The following STXBP5L variants were observed in gnomAD, a reference collection of about 807,000 sequenced individuals.
STXBP5L encodes the protein syntaxin binding protein 5L, also known as syntaxin-binding protein 5-like.
In STXBP5L, 65 loss-of-function variants were observed where a neutral mutation model predicts 144.5. The ratio of observed to expected loss-of-function variants is 0.45; its 90% confidence interval spans 0.37 to 0.55. The LOEUF is 0.55. STXBP5L is among the 20% of genes least tolerant of loss of function. The pLI, the probability that STXBP5L is intolerant of heterozygous loss-of-function variation, is 0.00. For synonymous variants in STXBP5L, 505 were observed against 469.6 expected (o/e 1.08, Z -0.97); for missense variants, 1,298 against 1,405.5 (o/e 0.92, Z 1.22).
At chr3:121,102,063 T>A (rs1374404622) in intron 5 of STXBP5L, among the ~76,000 whole-genome samples, 1 of 151,720 alleles carries the variant, frequency 6.6e-6, no homozygotes, top group Admixed American at 6.6e-5. Flanking sequence ...AAATCATAGG[T>A]GACACAAAAA....
At chr3:121,252,878 T>G (rs1450193577) in intron 15 of STXBP5L, among the ~76,000 whole-genome samples, 1 of 152,220 alleles carries the variant, frequency 6.6e-6, no homozygotes, top group Non-Finnish European at 1.5e-5. Context: ...CTGAAGGTTC[T>G]CTTCCAAGCT....
At chr3:121,081,507 A>T (rs2042246406) in intron 5 of STXBP5L, among the ~76,000 whole-genome samples, 1 of 152,108 alleles carries the variant, frequency 6.6e-6, no homozygotes, top group Non-Finnish European at 1.5e-5. Flanking sequence ...GTTTTCCCAG[A>T]TGCTGGTTGT....
intron 23 of STXBP5L, 33 bp from the exon 24 acceptor site, chr3:121,413,125 A>T: frequency 2.7e-6 from 4 of 1,504,238 alleles, no homozygotes; most frequent in Non-Finnish European, 3.6e-6. Flanking sequence ...AACAACCTGC[A>T]TATGATATAT....
chr3:121,177,170 A>G (rs1330465910), intron 9 of STXBP5L, among the ~76,000 whole-genome samples: 1 of 152,034 alleles, frequency 6.6e-6, no homozygotes, highest in Non-Finnish European at 1.5e-5. Context: ...ATAACAACGA[A>G]CAAAACAAAG....
intron 5 of STXBP5L, among the ~76,000 whole-genome samples, chr3:121,058,149 C>A (rs1285605939): frequency 6.6e-6 from 1 of 152,026 alleles, no homozygotes; most frequent in Non-Finnish European, 1.5e-5. Flanking sequence ...CCAACAGGAC[C>A]AGTGTGTGAT....
At chr3:121,363,274 C>A (rs2045767903) in intron 20 of STXBP5L, among the ~76,000 whole-genome samples, 1 of 152,176 alleles carries the variant, frequency 6.6e-6, no homozygotes. Context: ...GCCCCCGACT[C>A]TGCCCCACCC....
intron 9 of STXBP5L, among the ~76,000 whole-genome samples, chr3:121,194,369 T>A (rs1376205042): frequency 6.6e-6 from 1 of 152,194 alleles, no homozygotes; most frequent in East Asian, 1.9e-4. Context: ...TTTATTCCTA[T>A]TTATTGGTGA....
intron 22 of STXBP5L, among the ~76,000 whole-genome samples, chr3:121,398,424 G>A (rs527703494): frequency 5.6e-4 from 86 of 152,350 alleles, no homozygotes; most frequent in Middle Eastern, 3.4e-3. Context: ...GCCTGAGCTG[G>A]AAATGCCCCA....
intron 22 of STXBP5L, among the ~76,000 whole-genome samples, chr3:121,385,690 G>A (rs1214433734): frequency 6.6e-6 from 1 of 151,906 alleles, no homozygotes; most frequent in Admixed American, 6.6e-5. Flanking sequence ...TTTACTCACT[G>A]CCTTCATACT....
chr3:121,373,399 G>A (rs1042238198), intron 20 of STXBP5L, among the ~76,000 whole-genome samples: 10 of 152,160 alleles, frequency 6.6e-5, no homozygotes, highest in Admixed American at 6.5e-4. Flanking sequence ...ATTGTTTCAG[G>A]GAGGGAATTC....
chr3:120,969,766 G>T (rs1940028354), intron 3 of STXBP5L, among the ~76,000 whole-genome samples: 1 of 151,810 alleles, frequency 6.6e-6, no homozygotes, highest in Admixed American at 6.6e-5. Context: ...CATGTGGCTT[G>T]CACTCTTTTA....
intron 3 of STXBP5L, among the ~76,000 whole-genome samples, chr3:120,966,678 A>G (rs1222769591): frequency 1.3e-5 from 2 of 152,214 alleles, no homozygotes; most frequent in South Asian, 2.1e-4. Flanking sequence ...TGGAAGCTTC[A>G]TCCCAGAGTG....
intron 22 of STXBP5L, among the ~76,000 whole-genome samples, chr3:121,392,868 T>C (rs1394023626): frequency 1.3e-5 from 2 of 150,160 alleles, no homozygotes; most frequent in Non-Finnish European, 3.0e-5. Context: ...GACTTTGCTA[T>C]TGTAAGTAGT....
At chr3:120,942,481 T>C (rs1710617283) in intron 2 of STXBP5L, among the ~76,000 whole-genome samples, 1 of 151,542 alleles carries the variant, frequency 6.6e-6, no homozygotes, top group Admixed American at 6.6e-5. Flanking sequence ...TAATAGAAAA[T>C]ATATTATTCA....
intron 2 of STXBP5L, among the ~76,000 whole-genome samples, chr3:120,915,150 T>A (rs1709045229): frequency 6.6e-6 from 1 of 152,168 alleles, no homozygotes; most frequent in Non-Finnish European, 1.5e-5. Flanking sequence ...GCCGTCATAC[T>A]TTTTGTATTT....
intron 3 of STXBP5L, among the ~76,000 whole-genome samples, chr3:120,959,194 G>C (rs990019273): frequency 6.6e-6 from 1 of 152,100 alleles, no homozygotes; most frequent in Non-Finnish European, 1.5e-5. Context: ...CAACTTACAA[G>C]GGACGTGAAG....
At chr3:121,092,856 CA>C (rs1375552027) in intron 5 of STXBP5L, among the ~76,000 whole-genome samples, 4 of 152,182 alleles carry the variant, frequency 2.6e-5, no homozygotes, top group Non-Finnish European at 5.9e-5. Context: ...TGCCAGTTTT[CA>C]AAGGGAATGC....
chr3:120,989,465 A>G (rs56172124), intron 3 of STXBP5L, among the ~76,000 whole-genome samples: 1 of 151,920 alleles, frequency 6.6e-6, no homozygotes, highest in Admixed American at 6.6e-5. Context: ...TAATTTGCCC[A>G]CTCTTTAATG....
intron 19 of STXBP5L, among the ~76,000 whole-genome samples, chr3:121,289,886 A>C (rs946279285): frequency 6.6e-6 from 1 of 152,182 alleles, no homozygotes; most frequent in African/African-American, 2.4e-5. Context: ...CAACCTATCA[A>C]AACCTCTGGG....
Sources: allele counts gnomAD v4.1 joint callset (sites outside exome capture counted in the v4.1 genomes callset), GRCh38; gene constraint gnomAD v4.1.1; transcripts MANE v1.5; gene names NCBI Gene and HGNC (gene_info 2026-07-23, HGNC 2026-07-21).